KLHDC4: variants seen among roughly 807,000 people sequenced by gnomAD.
KLHDC4 encodes the protein kelch domain containing 4.
In KLHDC4, 90 loss-of-function variants were observed where a neutral mutation model predicts 62.4. That is an observed-to-expected ratio of 1.44 (90% CI 1.22 to 1.72). The LOEUF (loss-of-function observed/expected upper bound fraction) is 1.72. Ranked by LOEUF, KLHDC4 falls within the 40% of genes most tolerant of loss-of-function variation. The pLI, the probability that KLHDC4 is intolerant of heterozygous loss-of-function variation, is 0.00. For synonymous variants in KLHDC4, 386 were observed against 284.4 expected (o/e 1.36, Z -3.59); for missense variants, 1,025 against 699.7 (o/e 1.47, Z -5.25).
intron 5 of KLHDC4, 104 bp from the exon 6 acceptor site, chr16:87,730,748 T>C: frequency 2.1e-6 from 2 of 931,158 alleles, no homozygotes. Flanking sequence ...GATTTCTGTT[T>C]TGTGAGCACT....
At chr16:87,720,210 A>G (rs2037988423) in intron 7 of KLHDC4, among the ~76,000 whole-genome samples, 1 of 152,198 alleles carries the variant, frequency 6.6e-6, no homozygotes, top group African/African-American at 2.4e-5. Flanking sequence ...GTAGGTAGAT[A>G]AAGGCCGGGG....
At chr16:87,711,921 C>T (rs1036811438) in intron 8 of KLHDC4, among the ~76,000 whole-genome samples, 3 of 132,652 alleles carry the variant, frequency 2.3e-5, no homozygotes, top group African/African-American at 1.1e-4. Context: ...ATGCCTGTGC[C>T]AGCCCCCCTT....
At chr16:87,724,172 G>A (rs991211794) in intron 7 of KLHDC4, among the ~76,000 whole-genome samples, 1 of 152,152 alleles carries the variant, frequency 6.6e-6, no homozygotes, top group South Asian at 2.1e-4. Context: ...GCTGAGACAA[G>A]TGAGTATCTA....
downstream of KLHDC4, among the ~76,000 whole-genome samples, chr16:87,706,915 G>A (rs1013057089): frequency 2.0e-5 from 3 of 152,204 alleles, no homozygotes; most frequent in Non-Finnish European, 4.4e-5. Flanking sequence ...TCAGCTTCTA[G>A]CCCTCTCCCA....
chr16:87,741,103 A>C (rs1282546741), intron 5 of KLHDC4: 2 of 152,244 alleles, frequency 1.3e-5, no homozygotes, highest in African/African-American at 4.8e-5. Flanking sequence ...TGTTGCTAGA[A>C]TGGAGAAGAT....
At chr16:87,740,513 G>A (rs1257049114) in intron 5 of KLHDC4, 1 of 152,262 alleles carries the variant, frequency 6.6e-6, no homozygotes, top group Non-Finnish European at 1.5e-5. Context: ...CAGCCCAGCG[G>A]AGGGTGGCTC....
At chr16:87,709,738 A>C in intron 9 of KLHDC4, 71 bp from the exon 10 acceptor site, 1 of 1,461,120 alleles carries the variant, frequency 6.8e-7, no homozygotes, top group African/African-American at 1.4e-5. Context: ...TATGCCCACA[A>C]GGCCAGGCAA....
At chr16:87,722,606 G>A (rs957167111) in intron 7 of KLHDC4, among the ~76,000 whole-genome samples, 1 of 152,214 alleles carries the variant, frequency 6.6e-6, no homozygotes, top group Non-Finnish European at 1.5e-5. Flanking sequence ...TCTCTTCTCC[G>A]GGCTGAGAGA....
exon 1 of KLHDC4, chr16:87,701,542 G>GGCTCACAGGCCC: frequency 2.5e-6 from 1 of 394,850 alleles, no homozygotes; most frequent in Non-Finnish European, 5.2e-6. Context: ...CACAGTGTGG[G>GGCTCACAGGCCC]CGTGAGCTCA....
At chr16:87,759,208 G>C (rs571270501) in intron 2 of KLHDC4, among the ~76,000 whole-genome samples, 2 of 149,472 alleles carry the variant, frequency 1.3e-5, no homozygotes, top group African/African-American at 4.9e-5. Flanking sequence ...AAAATAAAAT[G>C]GCAAATTTTG....
At position 87,708,362 on chromosome 16, in the gene KLHDC4, C is replaced by T. The variant is rs2035063173; in HGVS notation, c.1552G>A (p.Ala518Thr). ...CGAGCCCGCTCACCTCAGTCCTCCG[C>T]ACCGCTCTCCTCTCCGCTGTCTTCG... ...DDEDSGEESG[A>T]ED The change falls in exon 11 of 12, where the codon GCG becomes ACG. Residue 518 changes from alanine (A) to threonine (T), a missense_variant. Ala to Thr is a moderately conservative substitution (Grantham distance 58, BLOSUM62 0). Transcript: ENST00000270583. The T allele has an allele frequency of 3.1e-6, 5 of 1,606,038 alleles. No homozygotes were observed. The highest frequency in any genetic ancestry group is 4.2e-6 in the Non-Finnish European group (5 of 1,176,614).
intron 5 of KLHDC4, among the ~76,000 whole-genome samples, chr16:87,734,811 G>A (rs566768916): frequency 9.9e-5 from 15 of 152,112 alleles, no homozygotes; most frequent in East Asian, 1.9e-4. Context: ...CATCCCCTCC[G>A]GGCTTGGCAC....
chr16:87,754,256 G>C (rs769194164), intron 4 of KLHDC4, among the ~76,000 whole-genome samples: 21 of 152,106 alleles, frequency 1.4e-4, no homozygotes, highest in African/African-American at 1.9e-4. Flanking sequence ...TGGGGCAGGA[G>C]AATCACTTCA....
chr16:87,756,343 T>G, intron 3 of KLHDC4, 56 bp downstream of exon 3: 1 of 1,307,772 alleles, frequency 7.6e-7, no homozygotes, highest in Non-Finnish European at 1.1e-6. Flanking sequence ...AAGTTAACTT[T>G]CTGTCAAATG....
At chr16:87,737,317 G>A (rs1034207575) in intron 5 of KLHDC4, among the ~76,000 whole-genome samples, 2 of 151,882 alleles carry the variant, frequency 1.3e-5, no homozygotes, top group Non-Finnish European at 2.9e-5. Context: ...GCCAGGGGCG[G>A]TGGCTCACGC....
At chr16:87,760,081 C>G (rs1320854965) in intron 2 of KLHDC4, among the ~76,000 whole-genome samples, 4 of 151,994 alleles carry the variant, frequency 2.6e-5, no homozygotes, top group Non-Finnish European at 5.9e-5. Flanking sequence ...ATTAAGGTTA[C>G]CAAGCAAAAG....
chr16:87,736,344 GA>G (rs2041306263), intron 5 of KLHDC4, among the ~76,000 whole-genome samples: 2 of 152,200 alleles, frequency 1.3e-5, no homozygotes, highest in Admixed American at 1.3e-4. Context: ...GGTCCGTCGT[GA>G]ACAGAAACAT....
intron 5 of KLHDC4, among the ~76,000 whole-genome samples, chr16:87,734,106 A>G (rs4843265): frequency 0.2 from 29,856 of 152,146 alleles, 3,092 homozygotes; most frequent in African/African-American, 0.28. Context: ...CAGCACTTTG[A>G]GAGGCCAAGG....
rs1392779498 is a variant in KLHDC4 at position 87,748,723 on chromosome 16, G to A, written c.456C>T (p.Tyr152=). The change falls in exon 5 of 12, where the codon TAC becomes TAT. Residue 152 remains tyrosine, a synonymous_variant. Coordinates refer to ENST00000270583, the MANE Select transcript of KLHDC4 (RefSeq NM_017566.4). ...CCAAATGCAGGACCCAGAGATCCTT[G>A]TAGTGGTAGAACTGCTCTCCGTTGG... ...ASPNGEQFYH[Y]KDLWVLHLAT... 2 of 1,613,480 alleles carry A rather than the reference G, an allele frequency of 1.2e-6. No homozygotes were observed. The highest frequency in any genetic ancestry group is 1.7e-6 in the Non-Finnish European group (2 of 1,179,922).
Sources: allele counts gnomAD v4.1 joint callset (sites outside exome capture counted in the v4.1 genomes callset), GRCh38; gene constraint gnomAD v4.1.1; transcripts MANE v1.5; gene names NCBI Gene and HGNC (gene_info 2026-07-23, HGNC 2026-07-21).